Variants in SNTG1 observed in about 807,000 individuals in gnomAD.
SNTG1 encodes gamma-1-syntrophin.
A neutral mutation model predicts 74.7 loss-of-function variants in SNTG1; 39 were observed. The ratio of observed to expected loss-of-function variants is 0.52; its 90% CI spans 0.40 to 0.68. SNTG1 has a LOEUF of 0.68. SNTG1 is among the 30% of genes least tolerant of loss of function. SNTG1 has a pLI of 0.00. For missense variants in SNTG1, 685 were observed against 609.5 expected, an observed-to-expected ratio of 1.12 and a Z score of -1.30; for synonymous variants, 254 against 217.1, an observed-to-expected ratio of 1.17 and a Z score of -1.49.
intron 12 of SNTG1, among the ~76,000 whole-genome samples, chr8:50,587,387 A>G (rs1202133964): frequency 6.6e-6 from 1 of 152,192 alleles, no homozygotes; most frequent in Non-Finnish European, 1.5e-5. Context: ...ATGAATGCAC[A>G]GTGTTATAAA....
intron 2 of SNTG1, among the ~76,000 whole-genome samples, chr8:50,229,657 C>CT (rs34237770): frequency 0.57 from 85,039 of 150,506 alleles, 27,679 homozygotes; most frequent in East Asian, 0.83. Context: ...CTTTATCACC[C>CT]TTTTTTTTAA....
intron 1 of SNTG1, among the ~76,000 whole-genome samples, chr8:49,929,709 A>AT (rs558096522): frequency 0.012 from 1,785 of 150,714 alleles, 30 homozygotes; most frequent in African/African-American, 0.04. Context: ...GTTTTAGCTT[A>AT]TTTTTTTTTA....
At chr8:50,183,599 C>T (rs1390725902) in intron 2 of SNTG1, among the ~76,000 whole-genome samples, 1 of 152,100 alleles carries the variant, frequency 6.6e-6, no homozygotes, top group African/African-American at 2.4e-5. Context: ...ACATACCTTC[C>T]CAGCGTTTTT....
At chr8:50,594,699 T>G (rs1315158470) in intron 13 of SNTG1, among the ~76,000 whole-genome samples, 1 of 152,108 alleles carries the variant, frequency 6.6e-6, no homozygotes, top group Non-Finnish European at 1.5e-5. Context: ...TCTGTAGTGG[T>G]ATCAGAAAAG....
intron 2 of SNTG1, among the ~76,000 whole-genome samples, chr8:50,203,680 A>G (rs2084079761): frequency 1.3e-5 from 2 of 152,182 alleles, no homozygotes; most frequent in South Asian, 4.1e-4. Context: ...ATTGAAGCTT[A>G]GTTTCGTATT....
chr8:50,432,598 T>C (rs2093250551), intron 4 of SNTG1, among the ~76,000 whole-genome samples: 1 of 152,098 alleles, frequency 6.6e-6, no homozygotes, highest in African/African-American at 2.4e-5. Context: ...AAAAATCAAG[T>C]TGGAAAGGAA....
intron 2 of SNTG1, among the ~76,000 whole-genome samples, chr8:50,264,105 C>T (rs2087332017): frequency 6.6e-6 from 1 of 152,052 alleles, no homozygotes; most frequent in Non-Finnish European, 1.5e-5. Flanking sequence ...ATGAGAATTA[C>T]AACGGAAATT....
intron 1 of SNTG1, among the ~76,000 whole-genome samples, chr8:50,011,602 AG>A (rs1039833566): frequency 6.7e-6 from 1 of 148,238 alleles, no homozygotes; most frequent in African/African-American, 2.4e-5. Flanking sequence ...ACGTGATTCC[AG>A]GTCACTATCC....
chr8:50,012,555 C>T (rs1585889907), intron 1 of SNTG1, among the ~76,000 whole-genome samples: 1 of 152,182 alleles, frequency 6.6e-6, no homozygotes, highest in South Asian at 2.1e-4. Flanking sequence ...AGAGTTAGGC[C>T]TTGTTTTAAA....
intron 1 of SNTG1, among the ~76,000 whole-genome samples, chr8:50,091,727 A>G (rs1241801097): frequency 6.6e-6 from 1 of 152,166 alleles, no homozygotes; most frequent in Non-Finnish European, 1.5e-5. Flanking sequence ...TTTCTTGAGA[A>G]TAACCTGCCT....
intron 8 of SNTG1, among the ~76,000 whole-genome samples, chr8:50,487,326 T>C (rs567023087): frequency 6.6e-6 from 1 of 152,314 alleles, no homozygotes; most frequent in Non-Finnish European, 1.5e-5. Context: ...GACCCAGCCA[T>C]CCCATTACTG....
intron 15 of SNTG1, among the ~76,000 whole-genome samples, chr8:50,679,970 C>T (rs10429378): frequency 6.6e-6 from 1 of 151,860 alleles, no homozygotes; most frequent in Non-Finnish European, 1.5e-5. Context: ...GGCAAGGGGA[C>T]CTTACCTGGC....
chr8:50,654,225 T>C (rs543007227), intron 13 of SNTG1, among the ~76,000 whole-genome samples: 1 of 152,290 alleles, frequency 6.6e-6, no homozygotes, highest in South Asian at 2.1e-4. Context: ...AAGTTTTGTA[T>C]TTCTCAGTGT....
At chr8:50,420,993 C>G (rs929384317) in intron 4 of SNTG1, among the ~76,000 whole-genome samples, 2 of 132,308 alleles carry the variant, frequency 1.5e-5, no homozygotes, top group African/African-American at 2.9e-5. Context: ...CCACTGCACT[C>G]CAGCCTGGCA....
At chr8:50,210,574 CAACATTCTTAAAGACAAG>C (rs1431393857) in intron 2 of SNTG1, among the ~76,000 whole-genome samples, 4 of 152,166 alleles carry the variant, frequency 2.6e-5, no homozygotes, top group African/African-American at 7.2e-5. Flanking sequence ...AGCCAATATT[CAACATTCTTAAAGACAAG>C]AATTTTCAAC....
chr8:50,440,801 G>A (rs1403090577), intron 5 of SNTG1, among the ~76,000 whole-genome samples: 1 of 152,188 alleles, frequency 6.6e-6, no homozygotes, highest in Non-Finnish European at 1.5e-5. Context: ...CAACTGAAAA[G>A]CCATTTACCA....
chr8:50,660,598 C>T (rs375724855), intron 15 of SNTG1, among the ~76,000 whole-genome samples: 3 of 152,008 alleles, frequency 2.0e-5, no homozygotes, highest in African/African-American at 7.2e-5. Context: ...ACTAATACAA[C>T]TTTTATCATA....
chr8:49,996,554 A>G (rs1196057783), intron 1 of SNTG1, among the ~76,000 whole-genome samples: 1 of 152,136 alleles, frequency 6.6e-6, no homozygotes, highest in Admixed American at 6.6e-5. Flanking sequence ...CTTAAAATAC[A>G]GAATATACTT....
At chr8:50,255,804 C>G (rs1457499291) in intron 2 of SNTG1, among the ~76,000 whole-genome samples, 1 of 152,174 alleles carries the variant, frequency 6.6e-6, no homozygotes, top group African/African-American at 2.4e-5. Flanking sequence ...ATGTCACATT[C>G]TGAAGCACTG....
Sources: gnomAD v4.1 joint callset for allele counts (sites outside exome capture counted in the v4.1 genomes callset) on GRCh38, gnomAD v4.1.1 for gene constraint, MANE v1.5 for transcripts, NCBI Gene and HGNC (gene_info 2026-07-23, HGNC 2026-07-21) for gene names.